Variants in ACTR3B observed in about 807,000 individuals in gnomAD.
ACTR3B encodes the protein actin related protein 3B.
In ACTR3B, 8 loss-of-function variants were observed where a neutral mutation model predicts 59.0. The ratio of observed to expected loss-of-function variants is 0.14; its 90% CI spans 0.08 to 0.24. The LOEUF is 0.24. Ranked by LOEUF, ACTR3B falls within the 10% of genes least tolerant of loss-of-function variation. The probability of loss-of-function intolerance (pLI) is 1.00; values close to 1 mark genes in which losing one functional copy is unlikely to be tolerated. For missense variants in ACTR3B, 245 were observed against 552.3 expected, an observed-to-expected ratio of 0.44 and a Z score of 5.58; for synonymous variants, 148 against 197.9, an observed-to-expected ratio of 0.75 and a Z score of 2.12.
chr7:152,855,328 A>G lies in ACTR3B; in HGVS notation c.*775A>G, dbSNP rs146009072. ...TTGTTGTCGGTGAGTGTTGGATGAA[A>G]TACTTCCTTGCACCATTGTAATAAA... On this transcript the variant is annotated 3_prime_UTR_variant, in exon 12 of 12. Coordinates refer to ENST00000256001, the MANE Select transcript of ACTR3B (RefSeq NM_020445.6). The G allele has an allele frequency of 9.2e-5, 14 of 152,332 alleles. No individual in the cohort carries two copies. Among genetic ancestry groups the G allele is most frequent in the Admixed American group, 8.5e-4 (13 of 15,304 alleles). 9.4% of individuals were successfully genotyped at this position (152,332 alleles called of 1,614,324 possible).
chr7:152,790,531 T>C (rs1400351886), intron 2 of ACTR3B, among the ~76,000 whole-genome samples: 5 of 152,068 alleles, frequency 3.3e-5, no homozygotes, highest in Admixed American at 2.6e-4. Context: ...CTATGAAATA[T>C]GAAGTACATG....
chr7:152,852,920 T>C (rs1457510637), intron 10 of ACTR3B, among the ~76,000 whole-genome samples: 2 of 151,984 alleles, frequency 1.3e-5, no homozygotes, highest in South Asian at 2.1e-4. Flanking sequence ...GCCTATTGAG[T>C]AGCTGGGACT....
At chr7:152,810,588 G>C (rs367676436) in intron 4 of ACTR3B, among the ~76,000 whole-genome samples, 10,079 of 151,548 alleles carry the variant, frequency 0.067, 449 homozygotes, top group South Asian at 0.12. Flanking sequence ...CACACACCCG[G>C]CTACCACACC....
chr7:152,829,888 A>G (rs1227171765), intron 9 of ACTR3B, among the ~76,000 whole-genome samples: 2 of 152,182 alleles, frequency 1.3e-5, no homozygotes, highest in East Asian at 3.8e-4. Context: ...TCTCAGTTCT[A>G]TTCAGGAGGT....
chr7:152,848,328 C>T lies in ACTR3B; in HGVS notation c.952-3798C>T, dbSNP rs892035308. Reference sequence around the variant, plus strand: ...TTCCTTGGGGCACTGTTTGGGATCCCCTGACATATGGGCTGTTAGGAGACC... The same window carrying T: ...TTCCTTGGGGCACTGTTTGGGATCCTCTGACATATGGGCTGTTAGGAGACC... On this transcript the variant is annotated intron_variant, in intron 9 of 11. Transcript: ENST00000256001. 3.3e-5 allele frequency among the ~76,000 whole-genome samples: 5 copies of T among 152,162 alleles called. No homozygotes were observed. In the East Asian group the frequency reaches 7.7e-4, roughly 23 times the overall value.
In ACTR3B at chr7:152,854,196, A is replaced by G. The variant is rs1799073947; in HGVS notation, c.1162-262A>G. 6.6e-6 allele frequency among the ~76,000 whole-genome samples: 1 copy of G among 152,146 alleles called. No homozygotes were observed. Among genetic ancestry groups the G allele is most frequent in the Non-Finnish European group, 1.5e-5 (1 of 68,032 alleles). On this transcript the variant is annotated intron_variant, in intron 11 of 11. Coordinates refer to ENST00000256001, the MANE Select transcript of ACTR3B (RefSeq NM_020445.6). The surrounding 1 kb of genome is among the most constrained non-coding windows in gnomAD (Gnocchi z 4.9). ...AATAATTATTACTTTTCCCCCTCAC[A>G]TTTGTGAATAGCTCACACATTGTTA...
At chr7:152,801,952 T>C (rs2098238090) in intron 4 of ACTR3B, among the ~76,000 whole-genome samples, 1 of 151,674 alleles carries the variant, frequency 6.6e-6, no homozygotes, top group Non-Finnish European at 1.5e-5. Context: ...TCTAGGGCTG[T>C]TGTTTTAGCA....
intron 1 of ACTR3B, among the ~76,000 whole-genome samples, chr7:152,772,408 T>C (rs1388101883): frequency 6.6e-6 from 1 of 151,544 alleles, no homozygotes; most frequent in Non-Finnish European, 1.5e-5. Flanking sequence ...GCCTGTGGTG[T>C]CAGTAACCTG....
At chr7:152,842,852 A>AC (rs1475245920) in intron 9 of ACTR3B, among the ~76,000 whole-genome samples, 1 of 152,122 alleles carries the variant, frequency 6.6e-6, no homozygotes, top group Non-Finnish European at 1.5e-5. Flanking sequence ...TACAGCATCT[A>AC]CCCTCCCACC....
chr7:152,763,904 A>G, intron 1 of ACTR3B, among the ~76,000 whole-genome samples: 1 of 152,202 alleles, frequency 6.6e-6, no homozygotes, highest in Non-Finnish European at 1.5e-5. Flanking sequence ...ATGATAATCC[A>G]TTATGCCGTC....
In ACTR3B at chr7:152,802,683, C is replaced by A. The variant is rs188812919; in HGVS notation, c.336+952C>A. On this transcript the variant is annotated intron_variant, in intron 4 of 11. Transcript: ENST00000256001. Reference sequence around the variant, plus strand: ...CTTTATAGAGGGCAGTTTCATGTGACGTAAGCTGCGTATTAAACCTGCATA... The same window carrying A: ...CTTTATAGAGGGCAGTTTCATGTGAAGTAAGCTGCGTATTAAACCTGCATA... Among the ~76,000 whole-genome samples, 200 of 151,484 alleles carry A rather than the reference C, an allele frequency of 1.3e-3. 1 individual carries two copies. The highest frequency in any genetic ancestry group is 3.4e-3 in the Middle Eastern group (1 of 294).
intron 7 of ACTR3B, among the ~76,000 whole-genome samples, chr7:152,822,253 G>A (rs1301976531): frequency 1.3e-5 from 2 of 152,220 alleles, no homozygotes; most frequent in Middle Eastern, 3.2e-3. Flanking sequence ...TTAATACCAC[G>A]AGAGCGTCTT....
chr7:152,772,273 C>G (rs1590205487), intron 1 of ACTR3B, among the ~76,000 whole-genome samples: 1 of 150,616 alleles, frequency 6.6e-6, no homozygotes, highest in Non-Finnish European at 1.5e-5. Context: ...AATCCCAGCA[C>G]TTTGGGAGGC....
At chr7:152,805,936 T>G (rs1460810916) in intron 4 of ACTR3B, among the ~76,000 whole-genome samples, 1 of 151,734 alleles carries the variant, frequency 6.6e-6, no homozygotes, top group African/African-American at 2.4e-5. Context: ...TCCAGAAATA[T>G]GGGTTGGTTT....
intron 4 of ACTR3B, among the ~76,000 whole-genome samples, chr7:152,807,101 T>G (rs1350193917): frequency 6.6e-6 from 1 of 152,014 alleles, no homozygotes; most frequent in Non-Finnish European, 1.5e-5. Context: ...TAAAATACAT[T>G]AGGAAATTGG....
chr7:152,817,123 GC>G (rs1334076394), intron 6 of ACTR3B, among the ~76,000 whole-genome samples: 12 of 151,864 alleles, frequency 7.9e-5, no homozygotes, highest in African/African-American at 2.9e-4. Context: ...GGTGGCTCAC[GC>G]CTGTAATCCC....
intron 1 of ACTR3B, among the ~76,000 whole-genome samples, chr7:152,761,562 G>A (rs994849597): frequency 1.3e-5 from 2 of 152,152 alleles, no homozygotes; most frequent in African/African-American, 2.4e-5. Context: ...TGAGGTAAGT[G>A]ATTAATGTAA....
chr7:152,760,056 G>T lies in ACTR3B; in HGVS notation c.44+130G>T, dbSNP rs577680531. On this transcript the variant is annotated intron_variant, in intron 1 of 11. Coordinates refer to ENST00000256001, the MANE Select transcript of ACTR3B (RefSeq NM_020445.6). ...AGCCCCGCGATCACCTGGGCAGGTG[G>T]GGCGCCGGCCGCCGCTTCCCTCCAA... is the stretch of plus-strand genomic sequence containing the variant. 63 of 805,798 alleles carry T rather than the reference G, an allele frequency of 7.8e-5. No homozygotes were observed. The African/African-American group carries it at 1.0e-3, about 13-fold the overall frequency. The allele number at this position is 805,798 out of a possible 1,614,324, so 49.9% of individuals were successfully genotyped here. A position where few individuals can be genotyped will look rare whatever the true frequency, so the allele number is the denominator to read the frequency against.
chr7:152,764,603 C>T (rs1459014258), intron 1 of ACTR3B, among the ~76,000 whole-genome samples: 8 of 149,756 alleles, frequency 5.3e-5, no homozygotes, highest in Admixed American at 3.3e-4. Flanking sequence ...GCTGAGATCG[C>T]GCCACTGCAC....
Sources: allele counts gnomAD v4.1 joint callset (sites outside exome capture counted in the v4.1 genomes callset), GRCh38; gene constraint gnomAD v4.1.1; non-coding constraint Gnocchi (gnomAD v3.1); transcripts MANE v1.5; gene names NCBI Gene and HGNC (gene_info 2026-07-23, HGNC 2026-07-21).